SPATS2L: variants seen among roughly 807,000 people sequenced by gnomAD.
SPATS2L encodes spermatogenesis associated serine rich 2 like.
In SPATS2L, 30 loss-of-function variants were observed where a neutral mutation model predicts 59.6. The observed-to-expected ratio is 0.50, with a 90% CI of 0.38 to 0.68. The LOEUF (loss-of-function observed/expected upper bound fraction) is 0.68, where lower values mean the gene tolerates loss of function less well. Among genes scored for constraint, SPATS2L ranks in the 30% least tolerant of loss-of-function variants. The probability of loss-of-function intolerance (pLI) is 0.00; values close to 1 mark genes in which losing one functional copy is unlikely to be tolerated. For missense variants in SPATS2L, 615 were observed against 700.0 expected (o/e 0.88, Z 1.37); for synonymous variants, 252 against 263.5 (o/e 0.96, Z 0.42).
chr2:200,389,044 T>C (rs1253637316), intron 2 of SPATS2L, among the ~76,000 whole-genome samples, 179 bp from the exon 3 acceptor site: 1 of 152,234 alleles, frequency 6.6e-6, no homozygotes, highest in Non-Finnish European at 1.5e-5. Context: ...TCTAGAGTTA[T>C]TGTAACATGC....
intron 10 of SPATS2L, among the ~76,000 whole-genome samples, chr2:200,468,469 G>A (rs539683240): frequency 6.6e-6 from 1 of 151,958 alleles, no homozygotes; most frequent in East Asian, 1.9e-4. Flanking sequence ...GCAAATTGGG[G>A]CATAAAACTG....
intron 2 of SPATS2L, among the ~76,000 whole-genome samples, chr2:200,365,880 G>A (rs2081253627): frequency 6.6e-6 from 1 of 152,142 alleles, no homozygotes; most frequent in African/African-American, 2.4e-5. Flanking sequence ...CTCGAGGCCA[G>A]GGATTGTATT....
In SPATS2L at chr2:200,472,889, T is replaced by C; in HGVS notation, c.1118T>C (p.Leu373Pro). ...SRTPCSSLLP[L>P]LNAHAATSGK... Reference sequence around the variant, plus strand: ...ACTCCCTGCAGCTCCCTGCTGCCTCTGCTGAATGCGCACGCAGCAACCTCT... The same window carrying C: ...ACTCCCTGCAGCTCCCTGCTGCCTCCGCTGAATGCGCACGCAGCAACCTCT... The change falls in exon 12 of 13, where the codon CTG becomes CCG. Residue 373 changes from leucine (L) to proline (P), a missense_variant. This residue lies in a region of SPATS2L where 284 missense variants were observed against 280.1 expected (regional missense o/e 1.01). Transcript: ENST00000409140. 2.5e-6 allele frequency: 4 copies of C among 1,613,984 alleles called. No homozygotes were observed. The highest frequency in any genetic ancestry group is 3.4e-6 in the Non-Finnish European group (4 of 1,179,896).
chr2:200,354,005 T>G (rs2080826011), intron 2 of SPATS2L, among the ~76,000 whole-genome samples: 1 of 152,138 alleles, frequency 6.6e-6, no homozygotes, highest in African/African-American at 2.4e-5. Context: ...ATTTCCCAAG[T>G]AAGTTTGTTT....
chr2:200,368,638 T>C (rs533059786), intron 2 of SPATS2L, among the ~76,000 whole-genome samples: 2 of 152,342 alleles, frequency 1.3e-5, no homozygotes, highest in East Asian at 3.9e-4. Context: ...GTGACCACAA[T>C]GTTTAAGCTT....
rs539919114 is a variant in SPATS2L at position 200,389,202 on chromosome 2, T to C, written c.-22-21T>C. ...TTGAGAAATCAATTTTAAAACTTAATCTTGTTTTCCTTCTTTATAGGGCCT... is the reference window on the plus strand; with the variant it reads ...TTGAGAAATCAATTTTAAAACTTAACCTTGTTTTCCTTCTTTATAGGGCCT... On this transcript the variant is annotated intron_variant, in intron 2 of 12. Transcript: ENST00000409140. The C allele has an allele frequency of 4.4e-5, 66 of 1,503,508 alleles. No individual in the cohort carries two copies. The East Asian group carries it at 1.6e-3, about 36-fold the overall frequency. The allele number at this position is 1,503,508 out of a possible 1,614,324, so 93.1% of individuals were successfully genotyped here.
chr2:200,421,355 C>T (rs1407035587), intron 6 of SPATS2L, among the ~76,000 whole-genome samples: 1 of 152,086 alleles, frequency 6.6e-6, no homozygotes, highest in Non-Finnish European at 1.5e-5. Context: ...TATTGCACAC[C>T]TGCTATATAT....
At chr2:200,409,680 G>A (rs764390533) in intron 3 of SPATS2L, among the ~76,000 whole-genome samples, 3 of 152,048 alleles carry the variant, frequency 2.0e-5, no homozygotes, top group Non-Finnish European at 4.4e-5. Flanking sequence ...CCCTTTTTCT[G>A]TAAAACTTGG....
At chr2:200,467,947 A>G (rs2106218607) in intron 10 of SPATS2L, among the ~76,000 whole-genome samples, 1 of 152,306 alleles carries the variant, frequency 6.6e-6, no homozygotes, top group African/African-American at 2.4e-5. Flanking sequence ...CCTCAAGGAC[A>G]AGTAGAATTT....
At chr2:200,363,683 ATTTG>A (rs1376631669) in intron 2 of SPATS2L, among the ~76,000 whole-genome samples, 2 of 152,246 alleles carry the variant, frequency 1.3e-5, no homozygotes, top group East Asian at 1.9e-4. Flanking sequence ...ATAGCTGGTC[ATTTG>A]TTTGATATAC....
At chr2:200,392,702 G>T (rs575382896) in intron 3 of SPATS2L, among the ~76,000 whole-genome samples, 12 of 152,228 alleles carry the variant, frequency 7.9e-5, no homozygotes, top group African/African-American at 2.6e-4. Context: ...AGGGCCAATT[G>T]TACTTGTGCT....
chr2:200,385,722 T>G (rs181147112), intron 2 of SPATS2L, among the ~76,000 whole-genome samples: 6 of 152,122 alleles, frequency 3.9e-5, no homozygotes, highest in South Asian at 4.2e-4. Context: ...AGATGGAGTC[T>G]CGCTCTGTCG....
intron 1 of SPATS2L, among the ~76,000 whole-genome samples, chr2:200,316,759 G>T (rs1261865585): frequency 2.6e-5 from 4 of 152,154 alleles, no homozygotes; most frequent in Admixed American, 2.6e-4. Flanking sequence ...GGACAGTAGT[G>T]TCCCTAGGGT....
chr2:200,381,588 C>T (rs951674897), intron 2 of SPATS2L, among the ~76,000 whole-genome samples: 1 of 152,218 alleles, frequency 6.6e-6, no homozygotes, highest in Non-Finnish European at 1.5e-5. Context: ...TGTGATAGTG[C>T]GCCTTCTTCC....
At chr2:200,377,602 A>C (rs1246312623) in intron 2 of SPATS2L, among the ~76,000 whole-genome samples, 3 of 151,582 alleles carry the variant, frequency 2.0e-5, no homozygotes, top group Non-Finnish European at 4.4e-5. Flanking sequence ...AGGTAAGAAA[A>C]CCCTCTCCAC....
chr2:200,360,996 T>TGTGTGA (rs1373584151), intron 2 of SPATS2L, among the ~76,000 whole-genome samples: 2 of 150,636 alleles, frequency 1.3e-5, no homozygotes, highest in East Asian at 3.9e-4. Flanking sequence ...TGTGTGTGTG[T>TGTGTGA]GACTGTGTAT....
rs760827330 is a variant in SPATS2L, at chr2:200,412,352, T to C, written c.81T>C (p.Asn27=). Residue 27 remains asparagine, a synonymous_variant, in exon 4 of 13, where the codon AAT becomes AAC. Coordinates refer to ENST00000409140, the MANE Select transcript of SPATS2L (RefSeq NM_001100423.2). ...VRSVVPNKSN[N]EIVLVLQQFD... ...CAGTTGTTCCCAACAAAAGCAATAA[T>C]GAAATAGTCCTGGTGCTCCAACAGT... 4.4e-6 allele frequency: 7 copies of C among 1,607,434 alleles called. No individual in the cohort carries two copies. The African/African-American group carries it at 9.4e-5, about 22-fold the overall frequency.
chr2:200,376,530 A>G (rs2081605336), intron 2 of SPATS2L, among the ~76,000 whole-genome samples: 1 of 152,202 alleles, frequency 6.6e-6, no homozygotes, highest in Non-Finnish European at 1.5e-5. Context: ...GCTTTATTTG[A>G]ACTTTGCTCT....
In SPATS2L at chr2:200,479,284, T is replaced by A. The variant is rs764138598; in HGVS notation, c.*1253T>A. 1.2e-4 allele frequency: 39 copies of A among 331,706 alleles called. No homozygotes were observed. The highest frequency in any genetic ancestry group is 1.8e-4 in the Non-Finnish European group (33 of 184,076). 20.5% of individuals were successfully genotyped at this position (331,706 alleles called of 1,614,324 possible). ...TCAGAATTGTGGCAAAGGGCCACCATGCTCTTAAGACTCAAGTCTATTTTC... is the reference window on the plus strand; with the variant it reads ...TCAGAATTGTGGCAAAGGGCCACCAAGCTCTTAAGACTCAAGTCTATTTTC... On this transcript the variant is annotated 3_prime_UTR_variant, in exon 13 of 13. Coordinates refer to ENST00000409140, the MANE Select transcript of SPATS2L (RefSeq NM_001100423.2).
Sources: allele counts gnomAD v4.1 joint callset (sites outside exome capture counted in the v4.1 genomes callset), GRCh38; gene constraint gnomAD v4.1.1; regional missense constraint gnomAD v4.1.1; transcripts MANE v1.5; gene names NCBI Gene and HGNC (gene_info 2026-07-23, HGNC 2026-07-21).